UBASH3B: variants seen among roughly 807,000 people sequenced by gnomAD.
UBASH3B encodes ubiquitin associated and SH3 domain containing B, also known as ubiquitin-associated and SH3 domain-containing protein B.
A neutral mutation model predicts 83.4 loss-of-function variants in UBASH3B; 37 were observed. That is an observed-to-expected ratio of 0.44 (90% CI 0.34 to 0.58). UBASH3B has a LOEUF of 0.58. UBASH3B is among the 20% of genes least tolerant of loss of function. The pLI is 0.01. For missense variants in UBASH3B, 657 were observed against 827.2 expected, an observed-to-expected ratio of 0.79 and a Z score of 2.52; for synonymous variants, 304 against 318.3, an observed-to-expected ratio of 0.96 and a Z score of 0.48.
intron 6 of UBASH3B, among the ~76,000 whole-genome samples, chr11:122,790,182 A>G (rs1156666070): frequency 6.6e-6 from 1 of 152,236 alleles, no homozygotes; most frequent in Non-Finnish European, 1.5e-5. Flanking sequence ...TATTATTGCC[A>G]TAAAGGAGAA....
At chr11:122,748,769 A>ACC (rs1014812571) in intron 1 of UBASH3B, among the ~76,000 whole-genome samples, 8 of 152,126 alleles carry the variant, frequency 5.3e-5, no homozygotes, top group African/African-American at 1.9e-4. Context: ...GCGCCTACCA[A>ACC]CCCCAAACTG....
At chr11:122,663,229 G>C (rs1028033387) in intron 1 of UBASH3B, among the ~76,000 whole-genome samples, 6 of 152,090 alleles carry the variant, frequency 3.9e-5, no homozygotes, top group African/African-American at 1.2e-4. Flanking sequence ...CGCCTGCTTT[G>C]GTCTCCCAAA....
chr11:122,790,912 C>T (rs1861042044), intron 6 of UBASH3B, among the ~76,000 whole-genome samples: 2 of 151,500 alleles, frequency 1.3e-5, no homozygotes, highest in African/African-American at 4.9e-5. Flanking sequence ...GATCACGCAA[C>T]TGCACTCCAG....
At chr11:122,691,044 A>T (rs1337484562) in intron 1 of UBASH3B, among the ~76,000 whole-genome samples, 2 of 152,124 alleles carry the variant, frequency 1.3e-5, no homozygotes, top group Non-Finnish European at 2.9e-5. Context: ...CTCCTCCCCT[A>T]GGCAGGATTC....
intron 1 of UBASH3B, chr11:122,773,879 A>C: frequency 1.4e-6 from 1 of 723,342 alleles, no homozygotes; most frequent in Non-Finnish European, 1.7e-6. Context: ...AGGGTGTAGA[A>C]AAAAAGAAAT....
chr11:122,722,307 G>C (rs1860652153), intron 1 of UBASH3B, among the ~76,000 whole-genome samples: 1 of 152,182 alleles, frequency 6.6e-6, no homozygotes, highest in Non-Finnish European at 1.5e-5. Context: ...TTACTGATAG[G>C]TGTCCTGGTT....
intron 1 of UBASH3B, among the ~76,000 whole-genome samples, chr11:122,769,745 AC>A (rs1860610412): frequency 6.6e-6 from 1 of 152,230 alleles, no homozygotes; most frequent in Non-Finnish European, 1.5e-5. Context: ...GGCAACAATG[AC>A]CACTGTGTGG....
chr11:122,801,435 A>G, intron 11 of UBASH3B, 103 bp downstream of exon 11: 2 of 1,353,866 alleles, frequency 1.5e-6, no homozygotes, highest in South Asian at 1.4e-5. Flanking sequence ...CATCACCTAC[A>G]GGCAGTTGTC....
intron 1 of UBASH3B, among the ~76,000 whole-genome samples, chr11:122,683,731 A>AT (rs974597485): frequency 7.3e-5 from 10 of 136,220 alleles, no homozygotes; most frequent in African/African-American, 2.1e-4. Context: ...TTGCCTTATA[A>AT]TTAAAAAAAA....
At chr11:122,785,861 C>G (rs1423569344) in intron 5 of UBASH3B, among the ~76,000 whole-genome samples, 1 of 152,114 alleles carries the variant, frequency 6.6e-6, no homozygotes, top group Non-Finnish European at 1.5e-5. Flanking sequence ...GGTGCAACAG[C>G]AACGAAAAAT....
At chr11:122,704,900 T>C (rs1229743692) in intron 1 of UBASH3B, among the ~76,000 whole-genome samples, 3 of 152,110 alleles carry the variant, frequency 2.0e-5, no homozygotes, top group African/African-American at 2.4e-5. Flanking sequence ...TAGGCAACTG[T>C]CTTATGTTTT....
chr11:122,687,359 T>C (rs1478326821), intron 1 of UBASH3B, among the ~76,000 whole-genome samples: 1 of 152,218 alleles, frequency 6.6e-6, no homozygotes, highest in African/African-American at 2.4e-5. Flanking sequence ...GATTCTTATT[T>C]AGCAGTGATG....
chr11:122,793,379 G>A (rs1450704406), intron 6 of UBASH3B, among the ~76,000 whole-genome samples: 6 of 152,110 alleles, frequency 3.9e-5, no homozygotes, highest in East Asian at 1.9e-4. Context: ...GCAATACTCC[G>A]TCTCTAAAAT....
chr11:122,703,328 G>A (rs1399123368), intron 1 of UBASH3B, among the ~76,000 whole-genome samples: 1 of 152,070 alleles, frequency 6.6e-6, no homozygotes, highest in Non-Finnish European at 1.5e-5. Context: ...TCGGGAGGCT[G>A]AGGCAGGAGA....
intron 1 of UBASH3B, among the ~76,000 whole-genome samples, chr11:122,697,623 C>G (rs1029969783): frequency 2.6e-5 from 4 of 152,140 alleles, no homozygotes; most frequent in Non-Finnish European, 5.9e-5. Flanking sequence ...CCTTTTTCCT[C>G]CACCATCCTC....
At chr11:122,670,211 C>A (rs1056521746) in intron 1 of UBASH3B, among the ~76,000 whole-genome samples, 9 of 151,906 alleles carry the variant, frequency 5.9e-5, no homozygotes, top group African/African-American at 1.7e-4. Context: ...ATATACACTG[C>A]CCATCTCAGC....
intron 1 of UBASH3B, among the ~76,000 whole-genome samples, chr11:122,751,250 C>G (rs546887837): frequency 4.6e-5 from 7 of 152,166 alleles, no homozygotes; most frequent in Non-Finnish European, 7.3e-5. Flanking sequence ...ATGAGATAAT[C>G]GGGTCCCTAA....
At chr11:122,702,536 T>C (rs142343506) in intron 1 of UBASH3B, among the ~76,000 whole-genome samples, 1 of 152,106 alleles carries the variant, frequency 6.6e-6, no homozygotes, top group African/African-American at 2.4e-5. Flanking sequence ...AGGTTTTTTT[T>C]TTTTTCAGAT....
intron 12 of UBASH3B, 142 bp from the exon 13 acceptor site, chr11:122,807,925 G>A: frequency 2.9e-6 from 2 of 700,680 alleles, no homozygotes; most frequent in South Asian, 3.3e-5. Context: ...CAGTAACAAA[G>A]CACTTTCAAA....
Sources: allele counts gnomAD v4.1 joint callset (sites outside exome capture counted in the v4.1 genomes callset), GRCh38; gene constraint gnomAD v4.1.1; transcripts MANE v1.5; gene names NCBI Gene and HGNC (gene_info 2026-07-23, HGNC 2026-07-21).